Variants in TUBB3 observed in about 807,000 individuals in gnomAD.
TUBB3 encodes tubulin beta 3 class III.
A neutral mutation model predicts 37.8 loss-of-function variants in TUBB3; 17 were observed. The observed-to-expected ratio is 0.45, with a 90% CI of 0.31 to 0.67. The LOEUF (loss-of-function observed/expected upper bound fraction) is 0.67, where lower values mean the gene tolerates loss of function less well. Among genes scored for constraint, TUBB3 ranks in the 30% least tolerant of loss-of-function variants. TUBB3 has a pLI of 0.07. For missense variants in TUBB3, 262 were observed against 657.9 expected, an observed-to-expected ratio of 0.40 and a Z score of 6.58; for synonymous variants, 332 against 278.9, an observed-to-expected ratio of 1.19 and a Z score of -1.90.
At position 89,935,225 on chromosome 16, in the gene TUBB3, G is replaced by A. The variant is rs779885613; in HGVS notation, c.774G>A (p.Val258=). The change falls in exon 4 of 4, where the codon GTG becomes GTA. Residue 258 remains valine, a synonymous_variant. Transcript: ENST00000315491. ...TGCGCAAGCTGGCCGTCAACATGGTGCCCTTCCCGCGCCTGCACTTCTTCA... is the reference window on the plus strand; with the variant it reads ...TGCGCAAGCTGGCCGTCAACATGGTACCCTTCCCGCGCCTGCACTTCTTCA... ...ADLRKLAVNM[V]PFPRLHFFMP... is the part of the protein sequence containing the mutation. 1 of 1,613,860 alleles carries A rather than the reference G, an allele frequency of 6.2e-7. No individual in the cohort carries two copies. The highest frequency in any genetic ancestry group is 8.5e-7 in the Non-Finnish European group (1 of 1,180,018).
In TUBB3 at chr16:89,933,699, G is replaced by A. The variant is rs567054859; in HGVS notation, c.277+121G>A. On this transcript the variant is annotated intron_variant, in intron 3 of 3. Coordinates refer to ENST00000315491, the MANE Select transcript of TUBB3 (RefSeq NM_006086.4). ...AGCTCCTCACATGATCCTGAATGGT[G>A]GGAACTCATCTCTCCATTTTACAGC... is the stretch of plus-strand genomic sequence containing the variant. The A allele has an allele frequency of 1.2e-5, 10 of 839,972 alleles. No homozygotes were observed. The East Asian group carries it at 1.2e-4, about 10-fold the overall frequency. 52.0% of individuals were successfully genotyped at this position (839,972 alleles called of 1,614,324 possible). A position where few individuals can be genotyped will look rare whatever the true frequency, so the allele number is the denominator to read the frequency against.
At position 89,926,068 on chromosome 16, in the gene TUBB3, T is replaced by C. The variant is rs569579820; in HGVS notation, c.57+2610T>C. Reference sequence around the variant, plus strand: ...CGGGGGGGGCAGGGGCGGGCCGGGCTATGCAGAAACACCGGGGCCCGCGGG... The same window carrying C: ...CGGGGGGGGCAGGGGCGGGCCGGGCCATGCAGAAACACCGGGGCCCGCGGG... On this transcript the variant is annotated intron_variant, in intron 1 of 3. Transcript: ENST00000315491. Among the ~76,000 whole-genome samples the C allele has an allele frequency of 2.9e-3, 440 of 151,898 alleles. 3 individuals carry two copies. Among genetic ancestry groups the C allele is most frequent in the African/African-American group, 0.01 (426 of 41,432 alleles).
upstream of TUBB3, among the ~76,000 whole-genome samples, chr16:89,922,403 G>T (rs1218379821): frequency 6.6e-6 from 1 of 152,240 alleles, no homozygotes; most frequent in Non-Finnish European, 1.5e-5. Flanking sequence ...GTAATATCTG[G>T]CCCAGGAGGA....
rs117456609 is a variant in TUBB3 at position 89,926,726 on chromosome 16, A to C, written c.57+3268A>C. On this transcript the variant is annotated intron_variant, in intron 1 of 3. Coordinates refer to ENST00000315491, the MANE Select transcript of TUBB3 (RefSeq NM_006086.4). ...CTGGCCACAATTTTCCTTTTTTCTT[A>C]TTTTCTTTTAGATGGAGTTTGGCTC... Among the ~76,000 whole-genome samples the C allele has an allele frequency of 1.7e-3, 250 of 150,764 alleles. 6 individuals carry two copies. In the East Asian group the frequency reaches 0.047, roughly 28 times the overall value.
chr16:89,934,679 G>T lies in TUBB3; in HGVS notation c.278-50G>T. On this transcript the variant is annotated intron_variant, in intron 3 of 3. Coordinates refer to ENST00000315491, the MANE Select transcript of TUBB3 (RefSeq NM_006086.4). ...TGTTCAGGCAGGGGCTGGAGGTCTG[G>T]ACTGCAGAGTCCCTGGCCCCTGTCT... 1.9e-6 allele frequency: 3 copies of T among 1,580,904 alleles called. No individual in the cohort carries two copies. In the South Asian group the frequency reaches 3.3e-5, roughly 18 times the overall value.
At chr16:89,934,548 C>G in intron 3 of TUBB3, 181 bp from the exon 4 acceptor site, 2 of 671,662 alleles carry the variant, frequency 3.0e-6, no homozygotes, top group Non-Finnish European at 5.3e-6. Flanking sequence ...GAGCACTCAG[C>G]AGCATCGGCT....
At position 89,935,048 on chromosome 16, in the gene TUBB3, C is replaced by T; in HGVS notation, c.597C>T (p.Thr199=). 3 of 1,614,208 alleles carry T rather than the reference C, an allele frequency of 1.9e-6. No homozygotes were observed. Among genetic ancestry groups the T allele is most frequent in the Admixed American group, 1.7e-5 (1 of 60,034 alleles). The change falls in exon 4 of 4, where the codon ACC becomes ACT. Residue 199 remains threonine (T), a synonymous_variant. Coordinates refer to ENST00000315491, the MANE Select transcript of TUBB3 (RefSeq NM_006086.4). The part of the protein sequence containing the change: ...IHQLVENTDE[T]YCIDNEALYD... ...AGCTGGTGGAGAACACGGATGAGAC[C>T]TACTGCATCGACAACGAGGCGCTCT... is the stretch of plus-strand genomic sequence containing the variant.
chr16:89,931,588 G>A (rs532957593), intron 1 of TUBB3: 1 of 155,484 alleles, frequency 6.4e-6, no homozygotes, highest in East Asian at 1.9e-4. Flanking sequence ...CAGATAGATA[G>A]TTCTACGTTT....
chr16:89,935,989 C>G lies in TUBB3; in HGVS notation c.*185C>G. ...TAGGCCACGTGTGAGCTGCTCCTGT[C>G]TCTGTCTTATTGCAGCTCCAGGCCT... is the stretch of plus-strand genomic sequence containing the variant. On this transcript the variant is annotated 3_prime_UTR_variant, in exon 4 of 4. Coordinates refer to ENST00000315491, the MANE Select transcript of TUBB3 (RefSeq NM_006086.4). 1.4e-6 allele frequency: 1 copy of G among 710,338 alleles called. No homozygotes were observed. The highest frequency in any genetic ancestry group is 2.9e-5 in the Admixed American group (1 of 34,182). The allele number at this position is 710,338 out of a possible 1,614,324, so 44.0% of individuals were successfully genotyped here. A position where few individuals can be genotyped will look rare whatever the true frequency, so the allele number is the denominator to read the frequency against.
intron 1 of TUBB3, among the ~76,000 whole-genome samples, chr16:89,923,670 C>A (rs972618793): frequency 6.6e-6 from 1 of 152,194 alleles, no homozygotes; most frequent in Non-Finnish European, 1.5e-5. Flanking sequence ...CTCGGGCTGT[C>A]GAGGCGCAGC....
rs756881284 is a variant in TUBB3, at chr16:89,923,358, G to C, written c.-44G>C. On this transcript the variant is annotated 5_prime_UTR_variant, in exon 1 of 4. Transcript: ENST00000315491. The stretch of plus-strand genomic sequence containing the variant: ...TCCCCGACCCTCAGCAGCCAGCCCG[G>C]CCCGCCCGCGCCCGTCCGCAGCCGC... The C allele has an allele frequency of 7.0e-7, 1 of 1,432,660 alleles. No homozygotes were observed. 88.7% of individuals were successfully genotyped at this position (1,432,660 alleles called of 1,614,324 possible).
At chr16:89,924,350 GC>G (rs1423248316) in intron 1 of TUBB3, among the ~76,000 whole-genome samples, 2 of 152,208 alleles carry the variant, frequency 1.3e-5, no homozygotes, top group African/African-American at 4.8e-5. Context: ...AGAGAGCTGG[GC>G]TGGCCCTTGG....
At chr16:89,933,181 GC>G (rs766299161) in intron 2 of TUBB3, 8 of 659,958 alleles carry the variant, frequency 1.2e-5, no homozygotes, top group Admixed American at 2.1e-5. Context: ...ACCTGCCTTG[GC>G]CTCCCAAAGT....
chr16:89,933,422 T>C, intron 2 of TUBB3, 46 bp from the exon 3 acceptor site: 1 of 1,433,170 alleles, frequency 7.0e-7, no homozygotes. Context: ...AGGGAGAGGC[T>C]CTGGCCCTCT....
At chr16:89,928,507 C>T (rs1443460893) in intron 1 of TUBB3, among the ~76,000 whole-genome samples, 1 of 150,360 alleles carries the variant, frequency 6.7e-6, no homozygotes, top group African/African-American at 2.5e-5. Flanking sequence ...TACAGGCACC[C>T]GTCACCACAC....
At chr16:89,932,856 A>C (rs750131389) in intron 2 of TUBB3, 177 bp downstream of exon 2, 1 of 644,572 alleles carries the variant, frequency 1.6e-6, no homozygotes, top group East Asian at 2.7e-5. Flanking sequence ...GACGCACAGA[A>C]CAGACAATAA....
At chr16:89,931,919 G>T in intron 1 of TUBB3, 1 of 358,680 alleles carries the variant, frequency 2.8e-6, no homozygotes, top group Non-Finnish European at 5.8e-6. Flanking sequence ...AGCCTCACAC[G>T]GACAGGCTGG....
In TUBB3 at chr16:89,935,204, C is replaced by T. The variant is rs375349136; in HGVS notation, c.753C>T (p.Arg251=). The change falls in exon 4 of 4, where the codon CGC becomes CGT. Residue 251 remains arginine, a synonymous_variant. Coordinates refer to ENST00000315491, the MANE Select transcript of TUBB3 (RefSeq NM_006086.4). ...RFPGQLNADL[R]KLAVNMVPFP... ...CGGGCCAGCTCAACGCTGACCTGCG[C>T]AAGCTGGCCGTCAACATGGTGCCCT... 1.8e-5 allele frequency: 29 copies of T among 1,613,646 alleles called. No individual in the cohort carries two copies. Among genetic ancestry groups the T allele is most frequent in the Non-Finnish European group, 2.5e-5 (29 of 1,180,042 alleles).
chr16:89,933,097 TTTTA>T, intron 2 of TUBB3: 1 of 492,704 alleles, frequency 2.0e-6, no homozygotes, highest in Non-Finnish European at 3.8e-6. Flanking sequence ...TGATTTAAAA[TTTTA>T]TTTAATTTAA....
Sources: allele counts gnomAD v4.1 joint callset (sites outside exome capture counted in the v4.1 genomes callset), GRCh38; gene constraint gnomAD v4.1.1; transcripts MANE v1.5; gene names NCBI Gene and HGNC (gene_info 2026-07-23, HGNC 2026-07-21).